UBASH3A: variants seen among roughly 807,000 people sequenced by gnomAD.
UBASH3A encodes the protein ubiquitin-associated and SH3 domain-containing protein A.
UBASH3A carries 63 observed loss-of-function variants against 73.5 expected under a neutral mutation model. The ratio of observed to expected loss-of-function variants is 0.86; its 90% confidence interval spans 0.70 to 1.06. The LOEUF is 1.06. Ranked by LOEUF, UBASH3A falls within the 50% of genes least tolerant of loss-of-function variation. The pLI, the probability that UBASH3A is intolerant of heterozygous loss-of-function variation, is 0.00. For missense variants in UBASH3A, 860 were observed against 859.0 expected (o/e 1.00, Z -0.02); for synonymous variants, 363 against 351.1 (o/e 1.03, Z -0.38).
At chr21:42,428,202 G>A (rs1287586664) in intron 8 of UBASH3A, among the ~76,000 whole-genome samples, 1 of 152,186 alleles carries the variant, frequency 6.6e-6, no homozygotes, top group Admixed American at 6.5e-5. Context: ...AGGACTGTGG[G>A]AGAGTAAACT....
At chr21:42,432,466 C>T (rs986289889) in intron 9 of UBASH3A, among the ~76,000 whole-genome samples, 9 of 136,244 alleles carry the variant, frequency 6.6e-5, no homozygotes, top group Non-Finnish European at 1.1e-4. Flanking sequence ...AACAGATGGA[C>T]GTATTCTTGA....
At chr21:42,442,686 C>T in intron 12 of UBASH3A, 90 bp downstream of exon 12, 1 of 1,427,436 alleles carries the variant, frequency 7.0e-7, no homozygotes, top group Non-Finnish European at 9.5e-7. Flanking sequence ...GTAAGAAAGA[C>T]TTTATTCAAG....
chr21:42,446,550 C>T (rs2053846995), intron 14 of UBASH3A, among the ~76,000 whole-genome samples: 1 of 152,232 alleles, frequency 6.6e-6, no homozygotes, highest in South Asian at 2.1e-4. Flanking sequence ...ACAAAAAAGG[C>T]TTCACCACAA....
chr21:42,411,836 C>T (rs2053104239), intron 3 of UBASH3A, among the ~76,000 whole-genome samples: 1 of 152,224 alleles, frequency 6.6e-6, no homozygotes, highest in African/African-American at 2.4e-5. Flanking sequence ...CCAAGAAACA[C>T]AATGTGAGAC....
chr21:42,408,562 T>C (rs984740904), intron 2 of UBASH3A, among the ~76,000 whole-genome samples: 5 of 152,238 alleles, frequency 3.3e-5, no homozygotes, highest in Non-Finnish European at 7.3e-5. Flanking sequence ...TTGAAAGGTC[T>C]GTCCTTAAGT....
chr21:42,416,418 C>T (rs2053207830), intron 5 of UBASH3A, 24 bp from the exon 6 acceptor site: 1 of 1,537,198 alleles, frequency 6.5e-7, no homozygotes, highest in Non-Finnish European at 8.8e-7. Context: ...TCCTGGCACC[C>T]TCTGTGTTTC....
intron 7 of UBASH3A, 98 bp from the exon 8 acceptor site, chr21:42,426,599 C>T: frequency 7.0e-7 from 1 of 1,431,656 alleles, no homozygotes; most frequent in Non-Finnish European, 9.5e-7. Flanking sequence ...CTGAGGTTGT[C>T]CCGGACATTC....
intron 1 of UBASH3A, among the ~76,000 whole-genome samples, chr21:42,404,663 C>T (rs180797344): frequency 2.3e-4 from 35 of 152,290 alleles, no homozygotes; most frequent in Admixed American, 2.2e-3. Context: ...ACGTGAAAGG[C>T]CCCAAAGCCC....
intron 11 of UBASH3A, 159 bp downstream of exon 11, chr21:42,437,739 C>T (rs905369695): frequency 3.0e-6 from 2 of 677,210 alleles, no homozygotes; most frequent in Admixed American, 2.2e-5. Context: ...AGGATGCTGG[C>T]AGGCATGCTG....
chr21:42,408,949 A>C (rs1417805022), intron 2 of UBASH3A, among the ~76,000 whole-genome samples: 1 of 147,940 alleles, frequency 6.8e-6, no homozygotes, highest in Non-Finnish European at 1.5e-5. Context: ...AAAATAAAAT[A>C]AAAACTGTCT....
At position 42,432,094 on chromosome 21, in the gene UBASH3A, AC is replaced by A; in HGVS notation, c.1171-3del. The A allele has an allele frequency of 1.2e-5, 19 of 1,596,728 alleles. No individual in the cohort carries two copies. The highest frequency in any genetic ancestry group is 1.7e-4 in the Middle Eastern group (1 of 5,998). Reference sequence around the variant, plus strand: ...CTGCATGTGCCTTGCTTCCTGCCCCACCCCCCAGGCTACCGTTGCAAGGAAG... The same window carrying A: ...CTGCATGTGCCTTGCTTCCTGCCCCACCCCCAGGCTACCGTTGCAAGGAAG... On this transcript the variant is annotated splice_region_variant and splice_polypyrimidine_tract_variant and intron_variant, in intron 8 of 14. Coordinates refer to ENST00000319294, the MANE Select transcript of UBASH3A (RefSeq NM_018961.4).
In UBASH3A at chr21:42,431,359, G is replaced by A. The variant is rs572834459; in HGVS notation, c.1171-744G>A. Among the ~76,000 whole-genome samples the A allele has an allele frequency of 9.1e-4, 139 of 152,384 alleles. 2 individuals carry two copies. In the South Asian group the frequency reaches 0.021, roughly 23 times the overall value. ...CAGGCTCCCCAGAAAGAGGGCGGGC[G>A]TGAGCCCTGTAACTGCAAGGCTCCA... is the stretch of plus-strand genomic sequence containing the variant. On this transcript the variant is annotated intron_variant, in intron 8 of 14. Coordinates refer to ENST00000319294, the MANE Select transcript of UBASH3A (RefSeq NM_018961.4).
Position 42,443,421 on chromosome 21 carries a change from A to G in UBASH3A, c.1738+3A>G. The G allele has an allele frequency of 6.3e-7, 1 of 1,599,306 alleles. No individual in the cohort carries two copies. The highest frequency in any genetic ancestry group is 8.5e-7 in the Non-Finnish European group (1 of 1,172,546). ...CGTCAACACCTGTCCACAGGACAGT[A>G]AGTGCCTCACCATCCTCAGTATGAA... is the stretch of plus-strand genomic sequence containing the variant. On this transcript the variant is annotated splice_donor_region_variant and intron_variant, in intron 13 of 14. Transcript: ENST00000319294.
chr21:42,413,564 CT>C lies in UBASH3A; in HGVS notation c.667+44del. On this transcript the variant is annotated intron_variant, in intron 5 of 14. Coordinates refer to ENST00000319294, the MANE Select transcript of UBASH3A (RefSeq NM_018961.4). This position sits in a 1 kb window ranked among gnomAD's most constrained non-coding sequence, Gnocchi z 4.5. ...GCTTCCGGACCAGCTTTGGTCTTCTCTTTAGGCGGGAATAGCCTTGTTCTCA... is the reference window on the plus strand; with the variant it reads ...GCTTCCGGACCAGCTTTGGTCTTCTCTTAGGCGGGAATAGCCTTGTTCTCA... 1 of 1,441,218 alleles carries C rather than the reference CT, an allele frequency of 6.9e-7. No individual in the cohort carries two copies. Among genetic ancestry groups the C allele is most frequent in the Non-Finnish European group, 9.7e-7 (1 of 1,030,500 alleles). 89.3% of individuals were successfully genotyped at this position (1,441,218 alleles called of 1,614,324 possible). A position where few individuals can be genotyped will look rare whatever the true frequency, so the allele number is the denominator to read the frequency against.
chr21:42,442,521 C>T lies in UBASH3A; in HGVS notation c.1556C>T (p.Ala519Val). 6.2e-7 allele frequency: 1 copy of T among 1,614,158 alleles called. No individual in the cohort carries two copies. Among genetic ancestry groups the T allele is most frequent in the Non-Finnish European group, 8.5e-7 (1 of 1,180,024 alleles). Residue 519 changes from alanine (A) to valine (V), a missense_variant, in exon 12 of 15, where the codon GCT becomes GTT. By Grantham distance (64) the Ala-to-Val change is moderately conservative (BLOSUM62 0). Coordinates refer to ENST00000319294, the MANE Select transcript of UBASH3A (RefSeq NM_018961.4). ...ATCTTTGAATGGACAAAATGGGAAG[C>T]TGGCAAAACCACCCCAACCCTCATG... ...PGIFEWTKWE[A>V]GKTTPTLMSL... is the part of the protein sequence containing the mutation.
chr21:42,409,971 A>G, intron 3 of UBASH3A: 2 of 662,680 alleles, frequency 3.0e-6, no homozygotes, highest in African/African-American at 1.8e-5. Context: ...CCTCAAGGGA[A>G]GGCAGATACC....
chr21:42,434,162 C>T (rs923930162), intron 9 of UBASH3A, among the ~76,000 whole-genome samples: 4 of 152,088 alleles, frequency 2.6e-5, no homozygotes, highest in East Asian at 1.9e-4. Context: ...ACTGACACCT[C>T]GCAATCGCTA....
At chr21:42,445,234 G>T (rs2053825042) in intron 14 of UBASH3A, among the ~76,000 whole-genome samples, 1 of 152,208 alleles carries the variant, frequency 6.6e-6, no homozygotes, top group African/African-American at 2.4e-5. Flanking sequence ...ATTGAGGCAG[G>T]CAAACTCAGG....
rs140628973 is a variant in UBASH3A, at chr21:42,406,344, G to A, written c.150G>A (p.Ala50=). 75 of 1,614,034 alleles carry A rather than the reference G, an allele frequency of 4.6e-5. No homozygotes were observed. The highest frequency in any genetic ancestry group is 1.8e-4 in the East Asian group (8 of 44,890). The stretch of plus-strand genomic sequence containing the variant: ...TGGCAGCCACGGGGAGGAAGACGGC[G>A]GAGGAGGCCTTGGCCTGGTGAGTGC... ...KALAATGRKT[A]EEALAWLHDH... Residue 50 remains alanine (A), a synonymous_variant, in exon 2 of 15, where the codon GCG becomes GCA. Coordinates refer to ENST00000319294, the MANE Select transcript of UBASH3A (RefSeq NM_018961.4).
Sources: allele counts gnomAD v4.1 joint callset (sites outside exome capture counted in the v4.1 genomes callset), GRCh38; gene constraint gnomAD v4.1.1; non-coding constraint Gnocchi (gnomAD v3.1); transcripts MANE v1.5; gene names NCBI Gene and HGNC (gene_info 2026-07-23, HGNC 2026-07-21).